The following ADAMTS18 variants were observed in gnomAD, a reference collection of about 807,000 sequenced individuals.
The protein encoded by ADAMTS18 is ADAM metallopeptidase with thrombospondin type 1 motif 18.
In ADAMTS18, 157 loss-of-function variants were observed where a neutral mutation model predicts 165.9. The ratio of observed to expected loss-of-function variants is 0.95; its 90% CI spans 0.83 to 1.08. The LOEUF is 1.08. Ranked by LOEUF, ADAMTS18 falls within the 50% of genes least tolerant of loss-of-function variation. The pLI, the probability that ADAMTS18 is intolerant of heterozygous loss-of-function variation, is 0.00. For missense variants in ADAMTS18, 2,040 were observed against 1,534.0 expected (o/e 1.33, Z -5.51); for synonymous variants, 782 against 578.2 (o/e 1.35, Z -5.06).
At chr16:77,288,602 A>G (rs17769712) in intron 22 of ADAMTS18, among the ~76,000 whole-genome samples, 15,641 of 152,238 alleles carry the variant, frequency 0.1, 1,131 homozygotes, top group Admixed American at 0.22. Context: ...AGGGCAATAC[A>G]TATTCACTGA....
At position 77,400,434 on chromosome 16, in the gene ADAMTS18, GTGTGTGTGTGTGTGTGTGTGTC is replaced by G. The variant is rs1333271090; in HGVS notation, c.495+30839_495+30860del. 5.0e-3 allele frequency among the ~76,000 whole-genome samples: 392 copies of G among 78,882 alleles called. 3 individuals carry two copies. Among genetic ancestry groups the G allele is most frequent in the African/African-American group, 0.014 (370 of 26,010 alleles). 51.7% of individuals were successfully genotyped at this position (78,882 alleles called of 152,430 possible). On this transcript the variant is annotated intron_variant, in intron 3 of 22. Transcript: ENST00000282849. ...CTATTTCAGGGGGAATTGTGTGTGT[GTGTGTGTGTGTGTGTGTGTGTC>G]TGTGTGTGTGTGTGTGTGTGTGTGT...
At chr16:77,407,414 G>A (rs2057406837) in intron 3 of ADAMTS18, among the ~76,000 whole-genome samples, 1 of 151,958 alleles carries the variant, frequency 6.6e-6, no homozygotes, top group South Asian at 2.1e-4. Flanking sequence ...ATTCAATGCA[G>A]TCCAAATAAA....
chr16:77,289,229 C>G, intron 22 of ADAMTS18, 35 bp downstream of exon 22: 2 of 1,613,118 alleles, frequency 1.2e-6, no homozygotes, highest in Non-Finnish European at 1.7e-6. Context: ...TATCTAAAGA[C>G]TAGTAAAGTT....
intron 17 of ADAMTS18, among the ~76,000 whole-genome samples, chr16:77,298,689 C>T (rs182765983): frequency 6.6e-5 from 10 of 152,224 alleles, no homozygotes; most frequent in African/African-American, 1.7e-4. Flanking sequence ...CTACTTAGGA[C>T]GGTGAGGTAG....
Position 77,297,418 on chromosome 16 carries a change from G to T in ADAMTS18, c.2675-3C>A, listed in dbSNP as rs1256090858. 1 of 1,610,808 alleles carries T rather than the reference G, an allele frequency of 6.2e-7. No homozygotes were observed. The highest frequency in any genetic ancestry group is 1.3e-5 in the African/African-American group (1 of 74,908). ...AATGGCCTTTACATTTATGTAACCTGGTAAGACATCAGAAGTGACAAAGTG... is the reference window on the plus strand; with the variant it reads ...AATGGCCTTTACATTTATGTAACCTTGTAAGACATCAGAAGTGACAAAGTG... On this transcript the variant is annotated splice_polypyrimidine_tract_variant and splice_region_variant and intron_variant, in intron 17 of 22. Coordinates refer to ENST00000282849, the MANE Select transcript of ADAMTS18 (RefSeq NM_199355.4).
At chr16:77,365,451 G>C (rs375911784) in intron 4 of ADAMTS18, among the ~76,000 whole-genome samples, 2 of 152,164 alleles carry the variant, frequency 1.3e-5, no homozygotes, top group Non-Finnish European at 2.9e-5. Context: ...TAGCACATAA[G>C]AAGCACTCAG....
chr16:77,350,460 C>T (rs1044695559), intron 10 of ADAMTS18, among the ~76,000 whole-genome samples: 1 of 152,010 alleles, frequency 6.6e-6, no homozygotes, highest in Non-Finnish European at 1.5e-5. Flanking sequence ...TGCGACTGTA[C>T]CAAGAGATGA....
chr16:77,305,075 G>GT (rs1417397963), intron 16 of ADAMTS18, among the ~76,000 whole-genome samples: 2 of 151,278 alleles, frequency 1.3e-5, no homozygotes, highest in African/African-American at 4.9e-5. Context: ...ACATCAGCTC[G>GT]TAAAGGCCTT....
chr16:77,425,995 G>A (rs973363183), intron 3 of ADAMTS18, among the ~76,000 whole-genome samples: 4 of 152,092 alleles, frequency 2.6e-5, no homozygotes, highest in Admixed American at 6.6e-5. Flanking sequence ...GCAGTGGGCC[G>A]AGATCGCTGC....
At chr16:77,356,215 G>T (rs1008720265) in intron 8 of ADAMTS18, 138 bp from the exon 9 acceptor site, 1 of 1,109,170 alleles carries the variant, frequency 9.0e-7, no homozygotes. Flanking sequence ...AAAAGAGAAA[G>T]GCAAATTACT....
intron 16 of ADAMTS18, among the ~76,000 whole-genome samples, chr16:77,309,280 C>T (rs1462412880): frequency 1.3e-5 from 2 of 151,802 alleles, no homozygotes; most frequent in Non-Finnish European, 2.9e-5. Flanking sequence ...CTCCTTTTCT[C>T]CAAGTCACTT....
At chr16:77,349,679 GAAAAGGCATAGACC>G (rs1425053734) in intron 10 of ADAMTS18, among the ~76,000 whole-genome samples, 4 of 152,172 alleles carry the variant, frequency 2.6e-5, no homozygotes, top group Admixed American at 2.6e-4. Flanking sequence ...TCATCTTCAG[GAAAAGGCATAGACC>G]TGTCTCCCGG....
intron 22 of ADAMTS18, among the ~76,000 whole-genome samples, chr16:77,284,678 T>C (rs2055214217): frequency 6.6e-6 from 1 of 152,164 alleles, no homozygotes; most frequent in African/African-American, 2.4e-5. Context: ...GATCAATGTC[T>C]GATCCTCCCT....
At chr16:77,297,101 C>T (rs2055487944) in intron 18 of ADAMTS18, among the ~76,000 whole-genome samples, 188 bp downstream of exon 18, 4 of 152,188 alleles carry the variant, frequency 2.6e-5, no homozygotes. Flanking sequence ...TTCAGCCTCC[C>T]AAGTAGCTAG....
At chr16:77,325,013 C>T (rs1247891092) in intron 13 of ADAMTS18, among the ~76,000 whole-genome samples, 1 of 152,212 alleles carries the variant, frequency 6.6e-6, no homozygotes, top group Non-Finnish European at 1.5e-5. Context: ...GGAGGCTCTA[C>T]TTGTTATAGT....
At chr16:77,336,042 T>C (rs927469210) in intron 11 of ADAMTS18, 138 bp from the exon 12 acceptor site, 1 of 1,020,850 alleles carries the variant, frequency 9.8e-7, no homozygotes, top group Non-Finnish European at 1.5e-6. Flanking sequence ...GATAAATTCC[T>C]CTGCTGTGCT....
chr16:77,412,880 T>C (rs2057482961), intron 3 of ADAMTS18, among the ~76,000 whole-genome samples: 1 of 152,020 alleles, frequency 6.6e-6, no homozygotes, highest in Non-Finnish European at 1.5e-5. Context: ...AGCCAAACCA[T>C]ATCACAGGGT....
intron 3 of ADAMTS18, among the ~76,000 whole-genome samples, chr16:77,391,116 TA>T (rs1179127101): frequency 6.6e-6 from 1 of 152,234 alleles, no homozygotes; most frequent in Non-Finnish European, 1.5e-5. Flanking sequence ...AGTGTCTATC[TA>T]CATAAAGGCA....
chr16:77,300,137 G>T, intron 17 of ADAMTS18, 126 bp downstream of exon 17: 1 of 1,141,888 alleles, frequency 8.8e-7, no homozygotes, highest in Non-Finnish European at 1.3e-6. Context: ...CTTTTATGGT[G>T]ATGGTTCTCA....
Sources: allele counts gnomAD v4.1 joint callset (sites outside exome capture counted in the v4.1 genomes callset), GRCh38; gene constraint gnomAD v4.1.1; transcripts MANE v1.5; gene names NCBI Gene and HGNC (gene_info 2026-07-23, HGNC 2026-07-21).